The following SLC38A1 variants were observed in gnomAD, a reference collection of about 807,000 sequenced individuals.
The protein encoded by SLC38A1 is sodium-coupled neutral amino acid symporter 1.
In SLC38A1, 18 loss-of-function variants were observed where a neutral mutation model predicts 60.3. That is an observed-to-expected ratio of 0.30 (90% CI 0.21 to 0.44). The LOEUF is 0.44. Ranked by LOEUF, SLC38A1 falls within the 20% of genes least tolerant of loss-of-function variation. SLC38A1 has a pLI of 1.00. For synonymous variants in SLC38A1, 196 were observed against 212.1 expected, an observed-to-expected ratio of 0.92 and a Z score of 0.66; for missense variants, 448 against 587.2, an observed-to-expected ratio of 0.76 and a Z score of 2.45.
At chr12:46,207,324 CAACT>C (rs1592084657) in intron 7 of SLC38A1, 88 bp from the exon 8 acceptor site, 1 of 1,221,168 alleles carries the variant, frequency 8.2e-7, no homozygotes, top group East Asian at 2.5e-5. Flanking sequence ...GTTCTTAGAC[CAACT>C]GTCAGTAAGA....
intron 11 of SLC38A1, 44 bp downstream of exon 11, chr12:46,204,257 T>C (rs1939790654): frequency 1.0e-5 from 12 of 1,199,490 alleles, no homozygotes; most frequent in Middle Eastern, 1.9e-4. Flanking sequence ...AGAATGTCCT[T>C]AATAAAAATG....
chr12:46,251,455 ACAC>A (rs1184856138), intron 1 of SLC38A1, among the ~76,000 whole-genome samples: 1 of 152,208 alleles, frequency 6.6e-6, no homozygotes, highest in Admixed American at 6.5e-5. Flanking sequence ...CATGACTAAA[ACAC>A]CAAAAGCAAT....
At chr12:46,201,076 T>C (rs1438868582) in intron 13 of SLC38A1, 22 bp downstream of exon 13, 4 of 1,458,352 alleles carry the variant, frequency 2.7e-6, no homozygotes, top group East Asian at 4.6e-5. Flanking sequence ...TTTATATTTA[T>C]GTACCAGTAG....
At chr12:46,192,186 A>G (rs1939172448) in intron 16 of SLC38A1, among the ~76,000 whole-genome samples, 1 of 152,194 alleles carries the variant, frequency 6.6e-6, no homozygotes, top group Non-Finnish European at 1.5e-5. Flanking sequence ...ATCTATTGAG[A>G]TAATCATGTG....
At chr12:46,229,738 G>C in intron 3 of SLC38A1, 99 bp from the exon 4 acceptor site, 2 of 1,035,446 alleles carry the variant, frequency 1.9e-6, no homozygotes, top group Non-Finnish European at 3.0e-6. Flanking sequence ...TACATGAACA[G>C]TTACCAATCA....
chr12:46,200,008 TG>T (rs755083332), intron 13 of SLC38A1, among the ~76,000 whole-genome samples: 4 of 152,138 alleles, frequency 2.6e-5, no homozygotes, highest in Non-Finnish European at 4.4e-5. Flanking sequence ...GTAATAAAAG[TG>T]TTTGGTGTTC....
At chr12:46,193,981 G>A (rs1939258361) in intron 16 of SLC38A1, among the ~76,000 whole-genome samples, 1 of 152,178 alleles carries the variant, frequency 6.6e-6, no homozygotes, top group Admixed American at 6.5e-5. Flanking sequence ...TCATTATGAT[G>A]TTAGCTGGTT....
intron 2 of SLC38A1, among the ~76,000 whole-genome samples, chr12:46,240,455 C>G (rs193297895): frequency 6.6e-6 from 1 of 152,310 alleles, no homozygotes; most frequent in African/African-American, 2.4e-5. Context: ...CTCAGCCTCC[C>G]AAAGTGTTCA....
At position 46,229,432 on chromosome 12, in the gene SLC38A1, A is replaced by C. The variant is rs550180094; in HGVS notation, c.198+132T>G. ...CCTTGAATGGATTTCAAGAGAAAAT[A>C]CATAAGGTATGAGGAATATCCTGGT... is the stretch of plus-strand genomic sequence containing the variant. On this transcript the variant is annotated intron_variant, in intron 4 of 16. Transcript: ENST00000398637. The C allele has an allele frequency of 2.0e-5, 16 of 817,272 alleles. No homozygotes were observed. In the South Asian group the frequency reaches 2.4e-4, roughly 12 times the overall value. The allele number at this position is 817,272 out of a possible 1,614,324, so 50.6% of individuals were successfully genotyped here. A position where few individuals can be genotyped will look rare whatever the true frequency, so the allele number is the denominator to read the frequency against.
intron 5 of SLC38A1, among the ~76,000 whole-genome samples, chr12:46,212,083 A>G (rs1018959562): frequency 2.0e-5 from 3 of 152,248 alleles, no homozygotes; most frequent in Admixed American, 2.0e-4. Flanking sequence ...TAGAACCTAG[A>G]AAGGGTTAGA....
chr12:46,245,459 T>C (rs970156882), intron 1 of SLC38A1, among the ~76,000 whole-genome samples: 2 of 152,206 alleles, frequency 1.3e-5, no homozygotes, highest in Non-Finnish European at 2.9e-5. Flanking sequence ...AGTCAAGAGA[T>C]AACAAGTGTT....
intron 5 of SLC38A1, among the ~76,000 whole-genome samples, chr12:46,213,115 G>A (rs1272716678): frequency 6.6e-6 from 1 of 152,206 alleles, no homozygotes. Context: ...AAGGCTGTGT[G>A]CTGAGATGAA....
intron 5 of SLC38A1, among the ~76,000 whole-genome samples, chr12:46,214,699 C>T (rs1368787530): frequency 1.3e-5 from 2 of 152,100 alleles, no homozygotes; most frequent in African/African-American, 4.8e-5. Flanking sequence ...AAACAACCAA[C>T]AAACAAAAAC....
intron 12 of SLC38A1, 66 bp downstream of exon 12, chr12:46,202,944 T>C (rs1939727544): frequency 2.5e-6 from 3 of 1,209,620 alleles, no homozygotes; most frequent in Non-Finnish European, 3.6e-6. Flanking sequence ...TTATTTTAAT[T>C]GCATACTTGC....
At chr12:46,226,259 T>C (rs1940858950) in intron 5 of SLC38A1, among the ~76,000 whole-genome samples, 1 of 152,182 alleles carries the variant, frequency 6.6e-6, no homozygotes, top group African/African-American at 2.4e-5. Flanking sequence ...ACAAATCTTT[T>C]TCTACTATTC....
At chr12:46,189,822 G>GT (rs1939069983) in intron 16 of SLC38A1, among the ~76,000 whole-genome samples, 1 of 152,172 alleles carries the variant, frequency 6.6e-6, no homozygotes, top group African/African-American at 2.4e-5. Flanking sequence ...CTGCCACCAT[G>GT]TAAGACGTGA....
intron 5 of SLC38A1, among the ~76,000 whole-genome samples, chr12:46,212,454 T>C (rs1401001503): frequency 2.0e-5 from 3 of 152,214 alleles, no homozygotes; most frequent in Admixed American, 2.0e-4. Context: ...CAGCAATTGA[T>C]AATAGGGCTG....
chr12:46,208,757 T>G (rs1254467463), intron 6 of SLC38A1, among the ~76,000 whole-genome samples: 1 of 152,150 alleles, frequency 6.6e-6, no homozygotes, highest in Non-Finnish European at 1.5e-5. Context: ...TATAAAGACC[T>G]AAGGAAAAAC....
At position 46,198,615 on chromosome 12, in the gene SLC38A1, C is replaced by T. The variant is rs1186380237; in HGVS notation, c.1122+10G>A. On this transcript the variant is annotated intron_variant, in intron 14 of 16. Coordinates refer to ENST00000398637, the MANE Select transcript of SLC38A1 (RefSeq NM_030674.4). ...AGCTTTTCTCATATTGCACAGAGGC[C>T]CTTACTCACCGTGAAAAATAACACC... The T allele has an allele frequency of 6.3e-7, 1 of 1,580,448 alleles. No homozygotes were observed. The highest frequency in any genetic ancestry group is 8.7e-7 in the Non-Finnish European group (1 of 1,155,552).
Sources: gnomAD v4.1 joint callset for allele counts (sites outside exome capture counted in the v4.1 genomes callset) on GRCh38, gnomAD v4.1.1 for gene constraint, MANE v1.5 for transcripts, NCBI Gene and HGNC (gene_info 2026-07-23, HGNC 2026-07-21) for gene names.